The following GPM6A variants were observed in gnomAD, a reference collection of about 807,000 sequenced individuals.
GPM6A encodes the protein glycoprotein M6A.
A neutral mutation model predicts 32.1 loss-of-function variants in GPM6A; 7 were observed. That is an observed-to-expected ratio of 0.22 (90% CI 0.12 to 0.41). The LOEUF (loss-of-function observed/expected upper bound fraction) is 0.41. Among genes scored for constraint, GPM6A ranks in the 10% least tolerant of loss-of-function variants. GPM6A has a pLI of 1.00. For missense variants in GPM6A, 235 were observed against 347.2 expected (o/e 0.68, Z 2.57); for synonymous variants, 130 against 123.4 (o/e 1.05, Z -0.35).
At chr4:175,646,670 T>G (rs1189460943) in intron 4 of GPM6A, among the ~76,000 whole-genome samples, 3 of 152,230 alleles carry the variant, frequency 2.0e-5, no homozygotes, top group Non-Finnish European at 4.4e-5. Flanking sequence ...ATTTGTGGGT[T>G]TTTGAACAAA....
At chr4:175,978,965 C>CAAA (rs761305638) in intron 1 of GPM6A, among the ~76,000 whole-genome samples, 1 of 125,364 alleles carries the variant, frequency 8.0e-6, no homozygotes, top group African/African-American at 3.0e-5. Context: ...CCATTTAAAG[C>CAAA]AAAAAAAAAA....
chr4:175,863,305 T>C (rs1461994588), intron 1 of GPM6A, among the ~76,000 whole-genome samples: 1 of 152,186 alleles, frequency 6.6e-6, no homozygotes, highest in African/African-American at 2.4e-5. Context: ...TTGCATTGTC[T>C]AGAATTTTAT....
chr4:175,785,259 A>G (rs1733757259), intron 1 of GPM6A, among the ~76,000 whole-genome samples: 1 of 152,144 alleles, frequency 6.6e-6, no homozygotes, highest in Admixed American at 6.6e-5. Context: ...AGTCTCAGCT[A>G]AGCTCACAGC....
At chr4:175,671,993 A>AG (rs67059418) in intron 3 of GPM6A, among the ~76,000 whole-genome samples, 57 of 128,888 alleles carry the variant, frequency 4.4e-4, no homozygotes, top group Middle Eastern at 4.3e-3. Flanking sequence ...AGAAAAAAAA[A>AG]AAAAGAAAGA....
At chr4:175,856,372 A>C (rs1318000091) in intron 1 of GPM6A, among the ~76,000 whole-genome samples, 1 of 152,162 alleles carries the variant, frequency 6.6e-6, no homozygotes, top group Non-Finnish European at 1.5e-5. Context: ...GGGGGAGCAC[A>C]TAGGTGAGTG....
At chr4:175,940,512 TTTG>T (rs1474030205) in intron 1 of GPM6A, among the ~76,000 whole-genome samples, 2 of 152,152 alleles carry the variant, frequency 1.3e-5, no homozygotes, top group East Asian at 3.9e-4. Context: ...TGATTAAAAA[TTTG>T]TTGATATTTC....
chr4:175,848,511 T>C (rs893275949), intron 1 of GPM6A, among the ~76,000 whole-genome samples: 1 of 152,146 alleles, frequency 6.6e-6, no homozygotes, highest in Admixed American at 6.6e-5. Flanking sequence ...CCAAACTTAG[T>C]TGTAATAGAT....
chr4:175,787,581 A>G lies in GPM6A; in HGVS notation c.37+24610T>C. On this transcript the variant is annotated intron_variant, in intron 1 of 6. Coordinates refer to ENST00000393658, the MANE Select transcript of GPM6A (RefSeq NM_201591.3). ...ATACTTGTTGATGATTTACAAGTAC[A>G]GATTTCTAATTCAGCTTTTTTCCCC... is the stretch of plus-strand genomic sequence containing the variant. 3 of 1,359,394 alleles carry G rather than the reference A, an allele frequency of 2.2e-6. No homozygotes were observed. The Admixed American group carries it at 1.0e-4, about 45-fold the overall frequency. 84.2% of individuals were successfully genotyped at this position (1,359,394 alleles called of 1,614,324 possible).
intron 1 of GPM6A, among the ~76,000 whole-genome samples, chr4:175,817,659 C>G (rs184770282): frequency 6.6e-6 from 1 of 151,964 alleles, no homozygotes; most frequent in Non-Finnish European, 1.5e-5. Context: ...AAGGGGGAGG[C>G]AGATTGTTGG....
intron 1 of GPM6A, among the ~76,000 whole-genome samples, chr4:175,758,508 T>A (rs1055013083): frequency 1.3e-5 from 2 of 152,152 alleles, no homozygotes; most frequent in Non-Finnish European, 1.5e-5. Context: ...CTAACTGTAA[T>A]GCACTGCCTA....
rs1740430918 is a variant in GPM6A at position 175,633,821 on chromosome 4, T to G, written c.*1084A>C. 6.6e-6 allele frequency: 1 copy of G among 152,488 alleles called. No individual in the cohort carries two copies. Among genetic ancestry groups the G allele is most frequent in the African/African-American group, 2.4e-5 (1 of 41,446 alleles). The allele number at this position is 152,488 out of a possible 1,614,324, so 9.4% of individuals were successfully genotyped here. A position where few individuals can be genotyped will look rare whatever the true frequency, so the allele number is the denominator to read the frequency against. On this transcript the variant is annotated 3_prime_UTR_variant, in exon 7 of 7. Coordinates refer to ENST00000393658, the MANE Select transcript of GPM6A (RefSeq NM_201591.3). The stretch of plus-strand genomic sequence containing the variant: ...TCTATAGGGGCCTCTGACCACACTT[T>G]ATAAAACACTACAGGTAAACCAACA...
At chr4:175,822,778 C>T (rs1014970911) in intron 1 of GPM6A, among the ~76,000 whole-genome samples, 1 of 151,890 alleles carries the variant, frequency 6.6e-6, no homozygotes, top group African/African-American at 2.4e-5. Context: ...GTCATCTAGG[C>T]TTTAAGACCT....
chr4:175,890,957 T>C (rs879935906), intron 1 of GPM6A, among the ~76,000 whole-genome samples: 4 of 152,154 alleles, frequency 2.6e-5, no homozygotes, highest in Non-Finnish European at 5.9e-5. Context: ...GCCCAAATGA[T>C]ATAGAGTATA....
intron 1 of GPM6A, among the ~76,000 whole-genome samples, chr4:175,854,923 T>A (rs1736370339): frequency 6.6e-6 from 1 of 152,228 alleles, no homozygotes; most frequent in Admixed American, 6.5e-5. Flanking sequence ...TAGTAGTGTT[T>A]GTTTCTACCA....
intron 1 of GPM6A, among the ~76,000 whole-genome samples, chr4:175,987,879 T>C (rs148488359): frequency 5.3e-5 from 8 of 152,266 alleles, no homozygotes; most frequent in Non-Finnish European, 1.2e-4. Context: ...TAAAATAATA[T>C]AACCTTTTTT....
At chr4:175,991,895 C>A (rs1741156590) in intron 1 of GPM6A, among the ~76,000 whole-genome samples, 1 of 152,094 alleles carries the variant, frequency 6.6e-6, no homozygotes, top group African/African-American at 2.4e-5. Context: ...AACATCATTT[C>A]TAGAACTTGT....
At chr4:175,721,288 C>T (rs927199591) in intron 1 of GPM6A, among the ~76,000 whole-genome samples, 3 of 151,260 alleles carry the variant, frequency 2.0e-5, no homozygotes, top group African/African-American at 7.3e-5. Context: ...CCAGCCTGGT[C>T]AACATAGTGA....
At chr4:175,927,791 G>A (rs762002372) in intron 1 of GPM6A, among the ~76,000 whole-genome samples, 22 of 152,294 alleles carry the variant, frequency 1.4e-4, no homozygotes, top group Middle Eastern at 6.8e-3. Context: ...AGGCTGAGGC[G>A]GGAGAATGGC....
At chr4:175,932,183 T>C (rs540264447) in intron 1 of GPM6A, among the ~76,000 whole-genome samples, 1 of 152,202 alleles carries the variant, frequency 6.6e-6, no homozygotes, top group Admixed American at 6.5e-5. Context: ...TGTTTGGATG[T>C]GTCCCTTCCA....
Sources: allele counts gnomAD v4.1 joint callset (sites outside exome capture counted in the v4.1 genomes callset), GRCh38; gene constraint gnomAD v4.1.1; transcripts MANE v1.5; gene names NCBI Gene and HGNC (gene_info 2026-07-23, HGNC 2026-07-21).